Variants in LPGAT1 observed in about 807,000 individuals in gnomAD.
LPGAT1 encodes acyl-CoA:lysophosphatidylglycerol acyltransferase 1.
Under a neutral mutation model 47.5 loss-of-function variants are expected in LPGAT1, and 11 were observed. The observed-to-expected ratio is 0.23, with a 90% CI of 0.15 to 0.38. The LOEUF (loss-of-function observed/expected upper bound fraction) is 0.38. Ranked by LOEUF, LPGAT1 falls within the 10% of genes least tolerant of loss-of-function variation. The probability of loss-of-function intolerance (pLI) is 1.00; values close to 1 mark genes in which losing one functional copy is unlikely to be tolerated. For missense variants in LPGAT1, 293 were observed against 439.0 expected (o/e 0.67, Z 2.97); for synonymous variants, 138 against 144.2 (o/e 0.96, Z 0.31).
chr1:211,769,495 C>T (rs1571709036), intron 6 of LPGAT1, among the ~76,000 whole-genome samples: 1 of 152,136 alleles, frequency 6.6e-6, no homozygotes, highest in Admixed American at 6.5e-5. Context: ...ATTTTTGGAT[C>T]TCGGGCAAGA....
intron 6 of LPGAT1, among the ~76,000 whole-genome samples, chr1:211,774,467 C>T (rs1474343710): frequency 6.6e-6 from 1 of 152,076 alleles, no homozygotes; most frequent in East Asian, 1.9e-4. Context: ...AATGCATCCG[C>T]CAAAGTCAGG....
At chr1:211,797,820 T>G (rs1385096055) in intron 2 of LPGAT1, among the ~76,000 whole-genome samples, 1 of 152,082 alleles carries the variant, frequency 6.6e-6, no homozygotes, top group Admixed American at 6.6e-5. Flanking sequence ...CAAAAAAGAA[T>G]TGGGTCAGGT....
At chr1:211,774,959 A>C (rs1658336509) in intron 6 of LPGAT1, among the ~76,000 whole-genome samples, 1 of 152,182 alleles carries the variant, frequency 6.6e-6, no homozygotes, top group African/African-American at 2.4e-5. Flanking sequence ...TTCTACTTAA[A>C]TAATTTTTTT....
At chr1:211,776,087 T>G (rs6684049) in intron 6 of LPGAT1, among the ~76,000 whole-genome samples, 49,007 of 151,610 alleles carry the variant, frequency 0.32, 9,140 homozygotes, top group Non-Finnish European at 0.43. Flanking sequence ...ACTCTAGGCT[T>G]CTCATGCTTG....
At chr1:211,791,733 C>T (rs1169479257) in intron 3 of LPGAT1, among the ~76,000 whole-genome samples, 5 of 107,390 alleles carry the variant, frequency 4.7e-5, no homozygotes, top group Non-Finnish European at 9.0e-5. Flanking sequence ...GGCAACAGTG[C>T]AAGACTCCAT....
intron 6 of LPGAT1, among the ~76,000 whole-genome samples, chr1:211,772,497 T>C (rs535589728): frequency 6.6e-4 from 101 of 152,336 alleles, no homozygotes; most frequent in Non-Finnish European, 1.2e-3. Context: ...GTTAAATTTA[T>C]AGGTTAATCT....
intron 6 of LPGAT1, among the ~76,000 whole-genome samples, chr1:211,774,209 A>AC (rs1658296315): frequency 7.6e-6 from 1 of 132,096 alleles, no homozygotes; most frequent in Non-Finnish European, 1.5e-5. Context: ...ATCTCGGCTC[A>AC]CCACAACCTC....
rs116229294 is a variant in LPGAT1, at chr1:211,751,646, G to A, written c.855-579C>T. 8.4e-3 allele frequency among the ~76,000 whole-genome samples: 1,273 copies of A among 152,238 alleles called. 20 individuals carry two copies. Among genetic ancestry groups the A allele is most frequent in the African/African-American group, 0.028 (1,153 of 41,544 alleles). On this transcript the variant is annotated intron_variant, in intron 6 of 7. Transcript: ENST00000366997. ...CATGTCCTGACTCACCAGGAAACACGATTGTGATTAGTGATACCCATGGAC... is the reference window on the plus strand; with the variant it reads ...CATGTCCTGACTCACCAGGAAACACAATTGTGATTAGTGATACCCATGGAC...
intron 2 of LPGAT1, among the ~76,000 whole-genome samples, chr1:211,798,969 A>G (rs1230643106): frequency 6.6e-6 from 1 of 152,178 alleles, no homozygotes; most frequent in Non-Finnish European, 1.5e-5. Context: ...TCATACATAG[A>G]GATGCTGATG....
At chr1:211,794,447 G>A (rs1659268939) in intron 2 of LPGAT1, among the ~76,000 whole-genome samples, 1 of 152,092 alleles carries the variant, frequency 6.6e-6, no homozygotes, top group South Asian at 2.1e-4. Context: ...GACTATACAG[G>A]TGCATGTCAC....
rs557277994 is a variant in LPGAT1, at chr1:211,820,640, A to G, written c.238+8419T>C. Reference sequence around the variant, plus strand: ...CGTTGCAGAAAACACAGTAAAAGACATGAAAGAAACAAACAAATGAAAAAC... The same window carrying G: ...CGTTGCAGAAAACACAGTAAAAGACGTGAAAGAAACAAACAAATGAAAAAC... On this transcript the variant is annotated intron_variant, in intron 2 of 7. Transcript: ENST00000366997. Among the ~76,000 whole-genome samples the G allele has an allele frequency of 2.9e-3, 448 of 152,202 alleles. 3 individuals carry two copies. Among genetic ancestry groups the G allele is most frequent in the African/African-American group, 0.01 (431 of 41,582 alleles).
At position 211,824,793 on chromosome 1, in the gene LPGAT1, G is replaced by A. The variant is rs1038726514; in HGVS notation, c.238+4266C>T. ...TCAAAGGTTACAAGACATTGCTCTC[G>A]AAATACATTTTTGAAACTTTCCGTA... On this transcript the variant is annotated intron_variant, in intron 2 of 7. Coordinates refer to ENST00000366997, the MANE Select transcript of LPGAT1 (RefSeq NM_014873.3). Among the ~76,000 whole-genome samples, 6 of 152,190 alleles carry A rather than the reference G, an allele frequency of 3.9e-5. No individual in the cohort carries two copies. In the East Asian group the frequency reaches 9.6e-4, roughly 24 times the overall value.
At chr1:211,767,930 A>C (rs1658009113) in intron 6 of LPGAT1, among the ~76,000 whole-genome samples, 1 of 152,182 alleles carries the variant, frequency 6.6e-6, no homozygotes, top group Non-Finnish European at 1.5e-5. Context: ...TCATTACTGT[A>C]CCCGAGGGTG....
At position 211,749,700 on chromosome 1, in the gene LPGAT1, T is replaced by C. The variant is rs1657093990; in HGVS notation, c.*199A>G. On this transcript the variant is annotated 3_prime_UTR_variant, in exon 8 of 8. Transcript: ENST00000366997. ...ATCTTTTTAAAACATGTTCTTAAAATATATTAGCAGGTCATTATATTACTA... is the reference window on the plus strand; with the variant it reads ...ATCTTTTTAAAACATGTTCTTAAAACATATTAGCAGGTCATTATATTACTA... The C allele has an allele frequency of 1.5e-5, 8 of 539,934 alleles. No individual in the cohort carries two copies. Among genetic ancestry groups the C allele is most frequent in the Non-Finnish European group, 2.6e-5 (8 of 310,444 alleles). 33.4% of individuals were successfully genotyped at this position (539,934 alleles called of 1,614,324 possible). A position where few individuals can be genotyped will look rare whatever the true frequency, so the allele number is the denominator to read the frequency against.
chr1:211,787,913 C>T (rs927343778), intron 3 of LPGAT1, among the ~76,000 whole-genome samples, 186 bp from the exon 4 acceptor site: 2 of 152,146 alleles, frequency 1.3e-5, no homozygotes, highest in South Asian at 2.1e-4. Context: ...AATTACAGGT[C>T]TTGATTCCAA....
chr1:211,809,193 A>G lies in LPGAT1; in HGVS notation c.239-16003T>C, dbSNP rs373143829. Among the ~76,000 whole-genome samples, 30 of 152,048 alleles carry G rather than the reference A, an allele frequency of 2.0e-4. No individual in the cohort carries two copies. In the East Asian group the frequency reaches 5.6e-3, roughly 28 times the overall value. On this transcript the variant is annotated intron_variant, in intron 2 of 7. Coordinates refer to ENST00000366997, the MANE Select transcript of LPGAT1 (RefSeq NM_014873.3). ...GCACTCCAGCCTGGGCGACAGTGCG[A>G]GACTCCAAAAAAAAAAAATTAATTG...
At chr1:211,798,860 G>A (rs563663828) in intron 2 of LPGAT1, among the ~76,000 whole-genome samples, 2 of 151,958 alleles carry the variant, frequency 1.3e-5, no homozygotes, top group East Asian at 3.9e-4. Flanking sequence ...CCATGAGAGA[G>A]TGGCTTAAAG....
At chr1:211,774,802 G>C (rs1441380756) in intron 6 of LPGAT1, among the ~76,000 whole-genome samples, 1 of 152,088 alleles carries the variant, frequency 6.6e-6, no homozygotes, top group African/African-American at 2.4e-5. Context: ...TAAATTAACG[G>C]AGAAAACTGC....
Position 211,830,077 on chromosome 1 carries a change from G to T in LPGAT1, c.-28+496C>A, listed in dbSNP as rs1442124636. 1 of 984,524 alleles carries T rather than the reference G, an allele frequency of 1.0e-6. No homozygotes were observed. The highest frequency in any genetic ancestry group is 1.2e-6 in the Non-Finnish European group (1 of 830,030). The allele number at this position is 984,524 out of a possible 1,614,324, so 61.0% of individuals were successfully genotyped here. A position where few individuals can be genotyped will look rare whatever the true frequency, so the allele number is the denominator to read the frequency against. Reference sequence around the variant, plus strand: ...CAAGGAAGCAGGGGATGATGAAAGGGGCAGAGAAGAGGCGACCGCAGCGCG... The same window carrying T: ...CAAGGAAGCAGGGGATGATGAAAGGTGCAGAGAAGAGGCGACCGCAGCGCG... On this transcript the variant is annotated intron_variant, in intron 1 of 7. Transcript: ENST00000366997. The surrounding 1 kb of genome is among the most constrained non-coding windows in gnomAD (Gnocchi z 5.9).
Sources: gnomAD v4.1 joint callset for allele counts (sites outside exome capture counted in the v4.1 genomes callset) on GRCh38, gnomAD v4.1.1 for gene constraint, Gnocchi (gnomAD v3.1) non-coding constraint, MANE v1.5 for transcripts, NCBI Gene and HGNC (gene_info 2026-07-23, HGNC 2026-07-21) for gene names.